MYT1L: variants seen among roughly 807,000 people sequenced by gnomAD.
MYT1L encodes the protein myelin transcription factor 1 like.
A neutral mutation model predicts 126.7 loss-of-function variants in MYT1L; 12 were observed. The observed-to-expected ratio is 0.09, with a 90% CI of 0.06 to 0.15. The LOEUF is 0.15. Among genes scored for constraint, MYT1L ranks in the 10% least tolerant of loss-of-function variants. The pLI, the probability that MYT1L is intolerant of heterozygous loss-of-function variation, is 1.00. For synonymous variants in MYT1L, 541 were observed against 604.2 expected (o/e 0.90, Z 1.53); for missense variants, 979 against 1,585.2 (o/e 0.62, Z 6.49).
chr2:2,115,675 T>A (rs1035146171), intron 3 of MYT1L, among the ~76,000 whole-genome samples: 1 of 152,240 alleles, frequency 6.6e-6, no homozygotes, highest in Non-Finnish European at 1.5e-5. Flanking sequence ...TGCCCCTGCC[T>A]TTCTGTGGCT....
chr2:2,221,595 G>T (rs1448470723), intron 2 of MYT1L, among the ~76,000 whole-genome samples: 1 of 152,216 alleles, frequency 6.6e-6, no homozygotes, highest in African/African-American at 2.4e-5. Flanking sequence ...GAAGGGAACA[G>T]AAAATGACCG....
At chr2:2,304,877 G>A (rs1377212793) in intron 1 of MYT1L, among the ~76,000 whole-genome samples, 2 of 152,322 alleles carry the variant, frequency 1.3e-5, no homozygotes, top group East Asian at 1.9e-4. Context: ...CACTAAGAAT[G>A]AACTGTCTTG....
rs1237576242 is a variant in MYT1L at position 1,887,386 on chromosome 2, G to A, written c.2642+102C>T. The stretch of plus-strand genomic sequence containing the variant: ...GAAACATTTATATGCTGCGAATGTC[G>A]CATGCTCAAACGGCAAGGCATATAC... On this transcript the variant is annotated intron_variant, in intron 17 of 24. Transcript: ENST00000647738. This position sits in a 1 kb window ranked among gnomAD's most constrained non-coding sequence, Gnocchi z 4.8. The A allele has an allele frequency of 2.0e-6, 3 of 1,470,634 alleles. No individual in the cohort carries two copies. The highest frequency in any genetic ancestry group is 1.4e-5 in the African/African-American group (1 of 71,772). 91.1% of individuals were successfully genotyped at this position (1,470,634 alleles called of 1,614,324 possible). A position where few individuals can be genotyped will look rare whatever the true frequency, so the allele number is the denominator to read the frequency against.
intron 2 of MYT1L, among the ~76,000 whole-genome samples, chr2:2,230,191 T>C (rs2094127556): frequency 6.6e-6 from 1 of 152,202 alleles, no homozygotes; most frequent in South Asian, 2.1e-4. Flanking sequence ...TGTTTTATAA[T>C]AGAACAACAT....
At chr2:1,954,658 T>C (rs2058182866) in intron 8 of MYT1L, among the ~76,000 whole-genome samples, 1 of 152,120 alleles carries the variant, frequency 6.6e-6, no homozygotes, top group South Asian at 2.1e-4. Context: ...ACTCATGGGA[T>C]AGCACTGGTG....
intron 2 of MYT1L, among the ~76,000 whole-genome samples, chr2:2,269,378 C>G (rs912496011): frequency 2.0e-5 from 3 of 152,188 alleles, no homozygotes; most frequent in Admixed American, 6.5e-5. Context: ...CTGAGCAGCA[C>G]CGCAATAGCA....
intron 4 of MYT1L, among the ~76,000 whole-genome samples, chr2:2,050,187 TAG>T (rs1161082895): frequency 6.6e-6 from 1 of 152,124 alleles, no homozygotes; most frequent in Non-Finnish European, 1.5e-5. Context: ...AAATTTTTTG[TAG>T]AGATTTGCCC....
intron 3 of MYT1L, among the ~76,000 whole-genome samples, chr2:2,157,359 C>T (rs760390152): frequency 6.6e-6 from 1 of 152,152 alleles, no homozygotes; most frequent in African/African-American, 2.4e-5. Context: ...AGTACTTAAA[C>T]AAACTTAATA....
chr2:1,979,307 G>T lies in MYT1L; in HGVS notation c.90-80C>A, dbSNP rs2149489475. ...AAGCTTCCGTGGCAGCAGAGAGAAG[G>T]AGGGCGGCTCAGACAGAGGAGAGAA... is the stretch of plus-strand genomic sequence containing the variant. On this transcript the variant is annotated intron_variant, in intron 7 of 24. Coordinates refer to ENST00000647738, the MANE Select transcript of MYT1L (RefSeq NM_001303052.2). The surrounding 1 kb of genome is among the most constrained non-coding windows in gnomAD (Gnocchi z 4.0). The T allele has an allele frequency of 7.5e-7, 1 of 1,340,176 alleles. No individual in the cohort carries two copies. Among genetic ancestry groups the T allele is most frequent in the East Asian group, 2.3e-5 (1 of 42,594 alleles). 83.0% of individuals were successfully genotyped at this position (1,340,176 alleles called of 1,614,324 possible).
intron 5 of MYT1L, among the ~76,000 whole-genome samples, chr2:1,994,490 C>CCGTG (rs1256958199): frequency 3.9e-5 from 6 of 152,358 alleles, no homozygotes; most frequent in African/African-American, 1.4e-4. Flanking sequence ...CACCCCTGGG[C>CCGTG]CGTGCTGTCT....
chr2:1,965,714 C>T (rs940446154), intron 8 of MYT1L, among the ~76,000 whole-genome samples: 1 of 152,206 alleles, frequency 6.6e-6, no homozygotes, highest in African/African-American at 2.4e-5. Context: ...TCATCCTGAC[C>T]TTAAACCCAA....
Position 1,917,771 on chromosome 2 carries a change from T to C in MYT1L, c.1484-432A>G, listed in dbSNP as rs2053060721. Among the ~76,000 whole-genome samples, 2 of 152,374 alleles carry C rather than the reference T, an allele frequency of 1.3e-5. No homozygotes were observed. Among genetic ancestry groups the C allele is most frequent in the East Asian group, 1.9e-4 (1 of 5,196 alleles). On this transcript the variant is annotated intron_variant, in intron 10 of 24. Transcript: ENST00000647738. This position sits in a 1 kb window ranked among gnomAD's most constrained non-coding sequence, Gnocchi z 5.9. Reference sequence around the variant, plus strand: ...TCATTCCATTCAAAAACTCTTTAGCTGAATTTCTTTCTTATTGAGTGCTCT... The same window carrying C: ...TCATTCCATTCAAAAACTCTTTAGCCGAATTTCTTTCTTATTGAGTGCTCT...
chr2:2,276,589 C>G (rs951150697), intron 2 of MYT1L, among the ~76,000 whole-genome samples: 2 of 152,124 alleles, frequency 1.3e-5, no homozygotes, highest in Non-Finnish European at 2.9e-5. Flanking sequence ...TGACATCTTC[C>G]TACTCTGCAA....
intron 18 of MYT1L, among the ~76,000 whole-genome samples, chr2:1,861,534 T>A (rs779654828): frequency 4.0e-5 from 6 of 151,488 alleles, no homozygotes; most frequent in Non-Finnish European, 7.4e-5. Context: ...TTAACTTCTC[T>A]CATAGGGAAA....
rs201920682 is a variant in MYT1L at position 2,295,683 on chromosome 2, GAC to G, written c.-520-11182_-520-11181del. Among the ~76,000 whole-genome samples, 498 of 133,142 alleles carry G rather than the reference GAC, an allele frequency of 3.7e-3. 26 individuals are homozygous for G. Among genetic ancestry groups the G allele is most frequent in the African/African-American group, 0.014 (469 of 33,006 alleles). The allele number at this position is 133,142 out of a possible 152,430, so 87.3% of individuals were successfully genotyped here. ...ACAGACAGAGAGAGAGAGAGAGACA[GAC>G]AGAGAGAGAGAGAGAGAGACAGACA... On this transcript the variant is annotated intron_variant, in intron 1 of 24. Transcript: ENST00000647738.
At chr2:1,867,532 G>A (rs1004295284) in intron 18 of MYT1L, among the ~76,000 whole-genome samples, 3 of 152,170 alleles carry the variant, frequency 2.0e-5, no homozygotes, top group African/African-American at 7.2e-5. Context: ...CTGGGGAGAG[G>A]AAGCTCATCT....
chr2:2,085,881 T>C (rs919270814), intron 3 of MYT1L, among the ~76,000 whole-genome samples: 7 of 152,180 alleles, frequency 4.6e-5, no homozygotes, highest in Admixed American at 4.6e-4. Flanking sequence ...ATCCACAGAC[T>C]CCCTCCTTTT....
At chr2:1,936,298 TTATG>T (rs1246659328) in intron 9 of MYT1L, among the ~76,000 whole-genome samples, 1 of 152,226 alleles carries the variant, frequency 6.6e-6, no homozygotes, top group African/African-American at 2.4e-5. Context: ...ACCTGAAGGT[TTATG>T]AAAAATAGGA....
At chr2:1,846,283 G>C (rs1193330865) in intron 19 of MYT1L, among the ~76,000 whole-genome samples, 3 of 152,172 alleles carry the variant, frequency 2.0e-5, no homozygotes, top group Non-Finnish European at 4.4e-5. Flanking sequence ...CTTAGCCTCG[G>C]GGACAGACTA....
Sources: gnomAD v4.1 joint callset for allele counts (sites outside exome capture counted in the v4.1 genomes callset) on GRCh38, gnomAD v4.1.1 for gene constraint, Gnocchi (gnomAD v3.1) non-coding constraint, MANE v1.5 for transcripts, NCBI Gene and HGNC (gene_info 2026-07-23, HGNC 2026-07-21) for gene names.